The following ATAT1 variants were observed in gnomAD, a reference collection of about 807,000 sequenced individuals.
ATAT1 encodes the protein alpha tubulin acetyltransferase 1, also known as alpha-tubulin N-acetyltransferase 1.
In ATAT1, 42 loss-of-function variants were observed where a neutral mutation model predicts 57.2. That is an observed-to-expected ratio of 0.73 (90% CI 0.57 to 0.95). The LOEUF (loss-of-function observed/expected upper bound fraction) is 0.95, where lower values mean the gene tolerates loss of function less well. ATAT1 is among the 40% of genes least tolerant of loss of function. The pLI is 0.00. For synonymous variants in ATAT1, 168 were observed against 187.1 expected (o/e 0.90, Z 0.83); for missense variants, 454 against 523.7 (o/e 0.87, Z 1.30).
chr6:30,628,480 A>G, intron 6 of ATAT1, 50 bp downstream of exon 6: 1 of 1,457,938 alleles, frequency 6.9e-7, no homozygotes, highest in Non-Finnish European at 9.5e-7. Context: ...CATTGAATTT[A>G]TTTGTTATTT....
chr6:30,626,912 G>T lies in ATAT1; in HGVS notation c.-292G>T. 1.9e-6 allele frequency: 3 copies of T among 1,608,648 alleles called. No individual in the cohort carries two copies. Among genetic ancestry groups the T allele is most frequent in the Non-Finnish European group, 2.5e-6 (3 of 1,178,380 alleles). On this transcript the variant is annotated 5_prime_UTR_variant, in exon 1 of 13. Transcript: ENST00000330083. ...TGGAGTTCCCGTTCGATGTGGACGC[G>T]CTGTTCCCGGAGCGGATCACGGTGC... is the stretch of plus-strand genomic sequence containing the variant.
chr6:30,629,535 G>A (rs189438905), intron 6 of ATAT1, among the ~76,000 whole-genome samples: 8 of 151,002 alleles, frequency 5.3e-5, no homozygotes, highest in East Asian at 2.0e-4. Context: ...GTGAGCCACC[G>A]CACACAACCC....
chr6:30,644,231 C>T, intron 10 of ATAT1: 1 of 985,866 alleles, frequency 1.0e-6, no homozygotes, highest in Non-Finnish European at 1.2e-6. Flanking sequence ...CTGACACCAC[C>T]ATTTCCCCCA....
intron 9 of ATAT1, 52 bp downstream of exon 9, chr6:30,642,299 G>T (rs1445365706): frequency 2.5e-6 from 4 of 1,609,800 alleles, no homozygotes; most frequent in Non-Finnish European, 3.4e-6. Flanking sequence ...TAACACAAGG[G>T]AAGAGAATGC....
chr6:30,643,853 A>AAC, intron 10 of ATAT1: 2 of 1,302,146 alleles, frequency 1.5e-6, no homozygotes, highest in South Asian at 5.0e-5. Context: ...GATGGCTCAT[A>AAC]CATTTATCTA....
Position 30,628,285 on chromosome 6 carries a change from T to C in ATAT1, c.400-44T>C, listed in dbSNP as rs978722112. On this transcript the variant is annotated intron_variant, in intron 5 of 12. Transcript: ENST00000330083. ...GGCTTCTGGCTTCCTGTTGGCATGC[T>C]TTCCCCATACTTCCTCCTACCCTGA... The C allele has an allele frequency of 4.4e-6, 7 of 1,588,934 alleles. No homozygotes were observed. The African/African-American group carries it at 8.1e-5, about 18-fold the overall frequency.
intron 9 of ATAT1, 76 bp from the exon 10 acceptor site, chr6:30,642,692 C>T: frequency 3.1e-6 from 3 of 968,138 alleles, no homozygotes; most frequent in Non-Finnish European, 3.2e-6. Flanking sequence ...TTTTTTTCTA[C>T]CAAAACCTTT....
intron 6 of ATAT1, among the ~76,000 whole-genome samples, chr6:30,637,051 T>C (rs1345545076): frequency 1.3e-5 from 2 of 152,080 alleles, no homozygotes; most frequent in Non-Finnish European, 2.9e-5. Flanking sequence ...TCCGCCCACC[T>C]CGGTCTCCCA....
At chr6:30,631,021 GACAA>G (rs1762757487) in intron 6 of ATAT1, among the ~76,000 whole-genome samples, 2 of 151,960 alleles carry the variant, frequency 1.3e-5, no homozygotes, top group South Asian at 2.1e-4. Flanking sequence ...TAGCTGGAGA[GACAA>G]ACAAACATAA....
chr6:30,646,035 C>T lies in ATAT1; in HGVS notation c.1013-32C>T, dbSNP rs745839936. On this transcript the variant is annotated intron_variant, in intron 11 of 12. Coordinates refer to ENST00000330083, the MANE Select transcript of ATAT1 (RefSeq NM_001031722.4). Reference sequence around the variant, plus strand: ...AGGCCACATTCACTGTCTACTCCTGCCTTCCCATTCACATGCCTGATATTT... The same window carrying T: ...AGGCCACATTCACTGTCTACTCCTGTCTTCCCATTCACATGCCTGATATTT... 3.7e-6 allele frequency: 6 copies of T among 1,608,904 alleles called. No individual in the cohort carries two copies. In the South Asian group the frequency reaches 6.7e-5, roughly 18 times the overall value.
At chr6:30,643,853 A>G in intron 10 of ATAT1, 1 of 1,302,146 alleles carries the variant, frequency 7.7e-7, no homozygotes, top group Non-Finnish European at 9.8e-7. Flanking sequence ...GATGGCTCAT[A>G]CATTTATCTA....
chr6:30,646,753 C>A lies in ATAT1; in HGVS notation c.*110C>A. 7.4e-7 allele frequency: 1 copy of A among 1,357,140 alleles called. No individual in the cohort carries two copies. Among genetic ancestry groups the A allele is most frequent in the Non-Finnish European group, 9.7e-7 (1 of 1,028,966 alleles). 84.1% of individuals were successfully genotyped at this position (1,357,140 alleles called of 1,614,324 possible). ...TACATTCATTCATTCATTCATTCAG[C>A]AGGCTTATCAGATTCAAGTCATTTG... is the stretch of plus-strand genomic sequence containing the variant. On this transcript the variant is annotated 3_prime_UTR_variant, in exon 13 of 13. Transcript: ENST00000330083.
intron 6 of ATAT1, among the ~76,000 whole-genome samples, chr6:30,631,392 G>A (rs914927446): frequency 7.3e-5 from 11 of 151,374 alleles, no homozygotes; most frequent in Non-Finnish European, 1.5e-4. Flanking sequence ...GGAGAATGGC[G>A]TGAACCTGGG....
chr6:30,628,533 A>G, intron 6 of ATAT1, 103 bp downstream of exon 6: 1 of 904,506 alleles, frequency 1.1e-6, no homozygotes, highest in East Asian at 2.7e-5. Flanking sequence ...CATAGGTTTC[A>G]TTTTCTACAA....
intron 7 of ATAT1, 46 bp downstream of exon 7, chr6:30,640,468 G>A: frequency 6.2e-7 from 1 of 1,612,820 alleles, no homozygotes; most frequent in Non-Finnish European, 8.5e-7. Flanking sequence ...GTGAGGGAAA[G>A]GAAAGAGCTG....
intron 10 of ATAT1, chr6:30,643,906 G>T: frequency 8.4e-7 from 1 of 1,194,604 alleles, no homozygotes; most frequent in Non-Finnish European, 1.0e-6. Flanking sequence ...AGACCACCAT[G>T]GAAGGTCTAA....
At position 30,642,756 on chromosome 6, in the gene ATAT1, C is replaced by T. The variant is rs373968117; in HGVS notation, c.689-12C>T. 8.9e-6 allele frequency: 14 copies of T among 1,565,188 alleles called. No homozygotes were observed. The African/African-American group carries it at 1.8e-4, about 20-fold the overall frequency. ...CTTTTTCTGTCTTGCTCTTCATTCTCCCTGTCCCCAGTTCTGAAGGTAGCT... is the reference window on the plus strand; with the variant it reads ...CTTTTTCTGTCTTGCTCTTCATTCTTCCTGTCCCCAGTTCTGAAGGTAGCT... On this transcript the variant is annotated splice_polypyrimidine_tract_variant and intron_variant, in intron 9 of 12. Coordinates refer to ENST00000330083, the MANE Select transcript of ATAT1 (RefSeq NM_001031722.4).
rs117245629 is a variant in ATAT1, at chr6:30,643,882, T to A, written c.932+871T>A. On this transcript the variant is annotated intron_variant, in intron 10 of 12. Transcript: ENST00000330083. Reference sequence around the variant, plus strand: ...TTATCTAGAGAAGCACACTCTTGCTTGCTGTCAAACTTTAGACCACCATGG... The same window carrying A: ...TTATCTAGAGAAGCACACTCTTGCTAGCTGTCAAACTTTAGACCACCATGG... The A allele has an allele frequency of 4.5e-3, 5,597 of 1,248,638 alleles. 64 individuals carry two copies. The highest frequency in any genetic ancestry group is 0.038 in the South Asian group (1,336 of 35,396). The allele number at this position is 1,248,638 out of a possible 1,614,324, so 77.3% of individuals were successfully genotyped here.
chr6:30,645,603 G>C (rs1000112654), intron 10 of ATAT1, among the ~76,000 whole-genome samples: 1 of 152,150 alleles, frequency 6.6e-6, no homozygotes, highest in South Asian at 2.1e-4. Context: ...CCACATGTGA[G>C]TCTGTTCTTC....
Sources: allele counts gnomAD v4.1 joint callset (sites outside exome capture counted in the v4.1 genomes callset), GRCh38; gene constraint gnomAD v4.1.1; transcripts MANE v1.5; gene names NCBI Gene and HGNC (gene_info 2026-07-23, HGNC 2026-07-21).